The following ADCY5 variants were observed in gnomAD, a reference collection of about 807,000 sequenced individuals.
The protein encoded by ADCY5 is adenylate cyclase type 5.
A neutral mutation model predicts 119.7 loss-of-function variants in ADCY5; 30 were observed. The observed-to-expected ratio is 0.25, with a 90% confidence interval of 0.19 to 0.34. The LOEUF (loss-of-function observed/expected upper bound fraction) is 0.34. ADCY5 is among the 10% of genes least tolerant of loss of function. The probability of loss-of-function intolerance (pLI) is 1.00; values close to 1 mark genes in which losing one functional copy is unlikely to be tolerated. For synonymous variants in ADCY5, 753 were observed against 762.2 expected, an observed-to-expected ratio of 0.99 and a Z score of 0.20; for missense variants, 1,324 against 1,775.2, an observed-to-expected ratio of 0.75 and a Z score of 4.57.
At chr3:123,351,955 G>A (rs1197466184) in intron 2 of ADCY5, among the ~76,000 whole-genome samples, 1 of 152,198 alleles carries the variant, frequency 6.6e-6, no homozygotes, top group African/African-American at 2.4e-5. Flanking sequence ...TCAGAGAGGG[G>A]AATAGCCAGG....
chr3:123,425,973 C>T lies in ADCY5; in HGVS notation c.1134+21439G>A, dbSNP rs893082237. On this transcript the variant is annotated intron_variant, in intron 1 of 20. Coordinates refer to ENST00000462833, the MANE Select transcript of ADCY5 (RefSeq NM_183357.3). ...TACAGGCAGTCCAGAGAAACACAAG[C>T]TCTCCTGGAATGTGTGGGAATTTAA... Among the ~76,000 whole-genome samples the T allele has an allele frequency of 3.9e-5, 6 of 152,252 alleles. No homozygotes were observed. In the East Asian group the frequency reaches 1.2e-3, roughly 29 times the overall value.
chr3:123,432,542 T>C (rs1945542314), intron 1 of ADCY5, among the ~76,000 whole-genome samples: 1 of 152,152 alleles, frequency 6.6e-6, no homozygotes, highest in Non-Finnish European at 1.5e-5. Context: ...TTTATTTATT[T>C]TTTTATTTAG....
At chr3:123,343,452 A>G (rs1466375699) in intron 3 of ADCY5, among the ~76,000 whole-genome samples, 3 of 152,194 alleles carry the variant, frequency 2.0e-5, no homozygotes, top group Non-Finnish European at 4.4e-5. Flanking sequence ...CAGGCGGCAG[A>G]GCTGGGTGTG....
intron 1 of ADCY5, among the ~76,000 whole-genome samples, chr3:123,353,971 G>A (rs997763535): frequency 6.6e-6 from 1 of 152,172 alleles, no homozygotes; most frequent in Non-Finnish European, 1.5e-5. Context: ...AATGCCCTGA[G>A]CTCCCCATGT....
At chr3:123,334,861 A>G (rs1188966350) in intron 3 of ADCY5, among the ~76,000 whole-genome samples, 1 of 152,242 alleles carries the variant, frequency 6.6e-6, no homozygotes, top group African/African-American at 2.4e-5. Flanking sequence ...GATTGGGCTA[A>G]TCAGCAAATC....
chr3:123,426,837 G>A (rs1248244834), intron 1 of ADCY5, among the ~76,000 whole-genome samples: 1 of 152,278 alleles, frequency 6.6e-6, no homozygotes, highest in South Asian at 2.1e-4. Context: ...GAGGCACTCA[G>A]TGGGGGCTCC....
At chr3:123,346,716 C>G (rs1374861737) in intron 3 of ADCY5, among the ~76,000 whole-genome samples, 2 of 151,992 alleles carry the variant, frequency 1.3e-5, no homozygotes, top group Non-Finnish European at 2.9e-5. Context: ...CTTGAAAACG[C>G]AGGCCAAGCC....
chr3:123,445,578 G>C (rs1272232449), intron 1 of ADCY5, among the ~76,000 whole-genome samples: 1 of 152,200 alleles, frequency 6.6e-6, no homozygotes, highest in Non-Finnish European at 1.5e-5. Flanking sequence ...GAGTCCTCGG[G>C]TCAAAAGAGT....
chr3:123,303,694 G>T (rs1410575761), intron 13 of ADCY5, among the ~76,000 whole-genome samples: 1 of 152,108 alleles, frequency 6.6e-6, no homozygotes, highest in African/African-American at 2.4e-5. Flanking sequence ...GCGTGGTGGT[G>T]CACACCTGTA....
At chr3:123,341,553 C>T (rs979293604) in intron 3 of ADCY5, among the ~76,000 whole-genome samples, 2 of 151,908 alleles carry the variant, frequency 1.3e-5, no homozygotes, top group East Asian at 1.9e-4. Flanking sequence ...CAGAGATGGA[C>T]GGTGGTGATG....
At chr3:123,317,008 TGTATTTATACATATAC>T (rs1419793925) in intron 11 of ADCY5, among the ~76,000 whole-genome samples, 8 of 149,610 alleles carry the variant, frequency 5.3e-5, no homozygotes, top group African/African-American at 2.0e-4. Flanking sequence ...AGTAAAAATA[TGTATTTATACATATAC>T]GTATATGTAT....
chr3:123,312,909 G>GC, intron 12 of ADCY5, among the ~76,000 whole-genome samples: 1 of 149,230 alleles, frequency 6.7e-6, no homozygotes, highest in East Asian at 1.9e-4. Context: ...AAAGCAGGCT[G>GC]GGGGGGGCCT....
intron 1 of ADCY5, among the ~76,000 whole-genome samples, chr3:123,368,710 C>A (rs1010354561): frequency 4.0e-5 from 6 of 150,756 alleles, no homozygotes; most frequent in Non-Finnish European, 7.4e-5. Flanking sequence ...TTAGATGGTG[C>A]CACTGCACTC....
chr3:123,333,761 C>T (rs947531134), intron 3 of ADCY5, among the ~76,000 whole-genome samples: 5 of 152,316 alleles, frequency 3.3e-5, no homozygotes, highest in African/African-American at 1.2e-4. Context: ...GCCTTTTATA[C>T]CTCTGCTCTG....
At chr3:123,434,239 C>G (rs746991428) in intron 1 of ADCY5, among the ~76,000 whole-genome samples, 1 of 152,194 alleles carries the variant, frequency 6.6e-6, no homozygotes, top group Admixed American at 6.5e-5. Flanking sequence ...TGAATGGGGT[C>G]GGTTCACCTC....
intron 14 of ADCY5, among the ~76,000 whole-genome samples, chr3:123,300,591 G>A (rs544434036): frequency 3.3e-5 from 5 of 152,268 alleles, no homozygotes; most frequent in South Asian, 2.1e-4. Context: ...TGTGTGCCTC[G>A]GGCTGCGTGC....
At chr3:123,382,098 G>A (rs1944052465) in intron 1 of ADCY5, among the ~76,000 whole-genome samples, 1 of 152,100 alleles carries the variant, frequency 6.6e-6, no homozygotes, top group Non-Finnish European at 1.5e-5. Flanking sequence ...TAGGCGGCAG[G>A]CACATTCCCA....
At chr3:123,380,327 TC>T (rs1030396484) in intron 1 of ADCY5, among the ~76,000 whole-genome samples, 1 of 152,160 alleles carries the variant, frequency 6.6e-6, no homozygotes, top group African/African-American at 2.4e-5. Context: ...TTCCATCCCA[TC>T]CCCCACAACC....
At chr3:123,305,299 C>G (rs1473291962) in intron 12 of ADCY5, among the ~76,000 whole-genome samples, 1 of 152,186 alleles carries the variant, frequency 6.6e-6, no homozygotes, top group Non-Finnish European at 1.5e-5. Context: ...CAAGGCTTCT[C>G]CATCCCGATA....
Sources: gnomAD v4.1 joint callset for allele counts (sites outside exome capture counted in the v4.1 genomes callset) on GRCh38, gnomAD v4.1.1 for gene constraint, MANE v1.5 for transcripts, NCBI Gene and HGNC (gene_info 2026-07-23, HGNC 2026-07-21) for gene names.